Variants in ROCK1 observed in about 807,000 individuals in gnomAD.
ROCK1 encodes the protein rho-associated protein kinase 1.
ROCK1 carries 36 observed loss-of-function variants against 196.8 expected under a neutral mutation model. The observed-to-expected ratio is 0.18, with a 90% CI of 0.14 to 0.24. The LOEUF (loss-of-function observed/expected upper bound fraction) is 0.24, where lower values mean the gene tolerates loss of function less well. ROCK1 is among the 10% of genes least tolerant of loss of function. The probability of loss-of-function intolerance (pLI) is 1.00; values close to 1 mark genes in which losing one functional copy is unlikely to be tolerated. For synonymous variants in ROCK1, 443 were observed against 515.9 expected, an observed-to-expected ratio of 0.86 and a Z score of 1.91; for missense variants, 920 against 1,562.0, an observed-to-expected ratio of 0.59 and a Z score of 6.93.
chr18:21,079,380 A>AT (rs1243119446), intron 1 of ROCK1, among the ~76,000 whole-genome samples: 7 of 152,206 alleles, frequency 4.6e-5, no homozygotes, highest in Non-Finnish European at 8.8e-5. Flanking sequence ...TAGCAGCAAC[A>AT]TAACATCCCT....
At chr18:21,074,010 T>A (rs1192380657) in intron 1 of ROCK1, among the ~76,000 whole-genome samples, 4 of 151,790 alleles carry the variant, frequency 2.6e-5, no homozygotes, top group Admixed American at 6.6e-5. Flanking sequence ...GTAAAAAAAA[T>A]AGCTGGGCGT....
intron 9 of ROCK1, among the ~76,000 whole-genome samples, chr18:21,037,960 T>A (rs1210121725): frequency 6.6e-6 from 1 of 152,196 alleles, no homozygotes; most frequent in African/African-American, 2.4e-5. Context: ...TTGTTACTTT[T>A]GCGGTTGATT....
At chr18:21,044,079 A>G in intron 6 of ROCK1, 23 bp downstream of exon 6, 2 of 1,454,976 alleles carry the variant, frequency 1.4e-6, no homozygotes, top group Non-Finnish European at 1.9e-6. Context: ...AGCAAAAACT[A>G]AATTAAAATC....
chr18:21,031,710 A>G (rs1447496820), intron 9 of ROCK1, among the ~76,000 whole-genome samples: 1 of 152,074 alleles, frequency 6.6e-6, no homozygotes, highest in Non-Finnish European at 1.5e-5. Context: ...ATGTGTTCAA[A>G]AAGCAAATGA....
intron 2 of ROCK1, among the ~76,000 whole-genome samples, chr18:21,061,863 G>A (rs2036294449): frequency 1.3e-5 from 2 of 152,120 alleles, no homozygotes; most frequent in East Asian, 1.9e-4. Context: ...ATGAATATTA[G>A]GGTTGAGTAA....
intron 1 of ROCK1, among the ~76,000 whole-genome samples, chr18:21,079,644 T>C (rs753062498): frequency 6.6e-6 from 1 of 152,162 alleles, no homozygotes; most frequent in Non-Finnish European, 1.5e-5. Context: ...GGGACTTCAG[T>C]AGCTGTCTTA....
At chr18:20,961,591 T>A (rs573146580) in intron 27 of ROCK1, among the ~76,000 whole-genome samples, 1 of 152,312 alleles carries the variant, frequency 6.6e-6, no homozygotes, top group East Asian at 1.9e-4. Context: ...GGCAGTCTAA[T>A]TTCTGAGCTT....
intron 14 of ROCK1, among the ~76,000 whole-genome samples, chr18:21,007,487 G>A (rs2035778303): frequency 6.6e-6 from 1 of 151,956 alleles, no homozygotes; most frequent in South Asian, 2.1e-4. Flanking sequence ...AGCATTGACT[G>A]CATTTTTTTT....
intron 13 of ROCK1, among the ~76,000 whole-genome samples, chr18:21,011,559 G>A (rs1343713832): frequency 2.6e-5 from 4 of 151,904 alleles, no homozygotes; most frequent in African/African-American, 4.8e-5. Flanking sequence ...GGACTCAAGC[G>A]ATCCTCCCAC....
chr18:20,999,535 T>G (rs2143423679), intron 16 of ROCK1, among the ~76,000 whole-genome samples: 1 of 151,890 alleles, frequency 6.6e-6, no homozygotes, highest in South Asian at 2.1e-4. Flanking sequence ...AAAAGAAAAT[T>G]GAGAAAATTC....
At chr18:21,105,162 C>T (rs1320790449) in intron 1 of ROCK1, among the ~76,000 whole-genome samples, 1 of 152,034 alleles carries the variant, frequency 6.6e-6, no homozygotes, top group African/African-American at 2.4e-5. Context: ...TTTATCCCCT[C>T]TTATTTTTCT....
chr18:21,092,166 T>G (rs935721617), intron 1 of ROCK1, among the ~76,000 whole-genome samples: 7 of 152,168 alleles, frequency 4.6e-5, no homozygotes, highest in African/African-American at 1.7e-4. Flanking sequence ...AGCCAATCCC[T>G]TCCTTTTGAC....
intron 2 of ROCK1, among the ~76,000 whole-genome samples, chr18:21,051,973 G>A (rs1001793708): frequency 2.0e-5 from 3 of 152,192 alleles, no homozygotes; most frequent in South Asian, 4.1e-4. Context: ...AGGAGGTGGG[G>A]AGAATTTTAA....
intron 1 of ROCK1, among the ~76,000 whole-genome samples, chr18:21,073,127 G>A (rs1397407747): frequency 9.4e-6 from 1 of 106,886 alleles, no homozygotes; most frequent in Non-Finnish European, 2.0e-5. Flanking sequence ...ATATGTAACA[G>A]AGGGGCCAAT....
intron 11 of ROCK1, 143 bp from the exon 12 acceptor site, chr18:21,020,382 ATTAAT>A: frequency 6.6e-6 from 3 of 456,096 alleles, no homozygotes; most frequent in South Asian, 8.2e-5. Context: ...TTTTTTTATT[ATTAAT>A]TTAACAAGCA....
chr18:21,034,850 A>G (rs1480988989), intron 9 of ROCK1, among the ~76,000 whole-genome samples: 1 of 152,264 alleles, frequency 6.6e-6, no homozygotes, highest in African/African-American at 2.4e-5. Context: ...TGCAGAGAAT[A>G]GAAAATATCT....
chr18:21,046,254 T>C (rs1568393926), intron 4 of ROCK1, among the ~76,000 whole-genome samples: 1 of 152,192 alleles, frequency 6.6e-6, no homozygotes, highest in Non-Finnish European at 1.5e-5. Flanking sequence ...TTGCTTAACC[T>C]ACCCGAGTCT....
intron 10 of ROCK1, among the ~76,000 whole-genome samples, chr18:21,025,115 C>G (rs1438169366): frequency 6.6e-6 from 1 of 152,168 alleles, no homozygotes; most frequent in Non-Finnish European, 1.5e-5. Context: ...AAGGACATCA[C>G]TTGTATACAT....
chr18:20,981,376 G>C (rs1268672289), intron 21 of ROCK1, among the ~76,000 whole-genome samples: 9 of 152,044 alleles, frequency 5.9e-5, no homozygotes, highest in African/African-American at 2.2e-4. Flanking sequence ...GCCTGGGCAA[G>C]AGGGTGAAAC....
Sources: allele counts gnomAD v4.1 joint callset (sites outside exome capture counted in the v4.1 genomes callset), GRCh38; gene constraint gnomAD v4.1.1; transcripts MANE v1.5; gene names NCBI Gene and HGNC (gene_info 2026-07-23, HGNC 2026-07-21).